The following RNF11 variants were observed in gnomAD, a reference collection of about 807,000 sequenced individuals.
RNF11 encodes ring finger protein 11.
RNF11 carries 4 observed loss-of-function variants against 15.8 expected under a neutral mutation model. That is an observed-to-expected ratio of 0.25 (90% CI 0.12 to 0.58). RNF11 has a LOEUF of 0.58. Among genes scored for constraint, RNF11 ranks in the 20% least tolerant of loss-of-function variants. RNF11 has a pLI of 0.91. For missense variants in RNF11, 139 were observed against 194.4 expected (o/e 0.71, Z 1.70); for synonymous variants, 68 against 72.3 (o/e 0.94, Z 0.30).
intron 1 of RNF11, chr1:51,251,438 G>T: frequency 1.1e-6 from 1 of 904,024 alleles, no homozygotes; most frequent in Non-Finnish European, 1.7e-6. Context: ...CAGGGCCTCC[G>T]GGCCCCCCCC....
Position 51,269,962 on chromosome 1 carries a change from G to T in RNF11, c.130G>T (p.Val44Phe). The change falls in exon 2 of 3, where the codon GTT becomes TTT. Residue 44 changes from valine to phenylalanine, a missense_variant. By Grantham distance (50) the Val-to-Phe change is conservative. Transcript: ENST00000242719. ...CTATATTTTAATATTTTAGGAACAA[G>T]TTCCAGTTCCAGTCTACCACCCAAC... The part of the protein sequence containing the change: ...QEPPPPYQEQ[V>F]PVPVYHPTPS... 6.2e-7 allele frequency: 1 copy of T among 1,610,322 alleles called. No homozygotes were observed. The highest frequency in any genetic ancestry group is 8.5e-7 in the Non-Finnish European group (1 of 1,178,772).
chr1:51,273,131 G>T lies in RNF11; in HGVS notation c.*1809G>T, dbSNP rs1200094303. 2 of 152,128 alleles carry T rather than the reference G, an allele frequency of 1.3e-5. No individual in the cohort carries two copies. The highest frequency in any genetic ancestry group is 4.8e-5 in the African/African-American group (2 of 41,438). 9.4% of individuals were successfully genotyped at this position (152,128 alleles called of 1,614,324 possible). On this transcript the variant is annotated 3_prime_UTR_variant, in exon 3 of 3. Coordinates refer to ENST00000242719, the MANE Select transcript of RNF11 (RefSeq NM_014372.5). ...CAACTGAAGTTGTGCAATATTTTCT[G>T]ATAATTGCTTTTTTTATTCTTGTGT...
intron 1 of RNF11, among the ~76,000 whole-genome samples, chr1:51,250,148 T>G (rs1040347655): frequency 2.6e-5 from 4 of 152,186 alleles, no homozygotes; most frequent in African/African-American, 9.7e-5. Context: ...TTTTTGAAAC[T>G]TTTTTTAGCT....
intron 1 of RNF11, among the ~76,000 whole-genome samples, chr1:51,240,051 G>A (rs1012138454): frequency 2.6e-5 from 4 of 152,124 alleles, no homozygotes; most frequent in African/African-American, 9.7e-5. Flanking sequence ...TCCTCGCTAA[G>A]GCCTGTCCTC....
rs759429193 is a variant in RNF11, at chr1:51,240,207, G to A, written c.123+3328G>A. Among the ~76,000 whole-genome samples, 8 of 152,110 alleles carry A rather than the reference G, an allele frequency of 5.3e-5. No individual in the cohort carries two copies. The South Asian group carries it at 6.2e-4, about 12-fold the overall frequency. On this transcript the variant is annotated intron_variant, in intron 1 of 2. Transcript: ENST00000242719. Reference sequence around the variant, plus strand: ...CATAATCTGTACCCCTTGTTTCCACGCATGTCCCTTGACACCTACAGCTAA... The same window carrying A: ...CATAATCTGTACCCCTTGTTTCCACACATGTCCCTTGACACCTACAGCTAA...
At chr1:51,240,864 T>C (rs1455502306) in intron 1 of RNF11, among the ~76,000 whole-genome samples, 3 of 152,190 alleles carry the variant, frequency 2.0e-5, no homozygotes, top group Non-Finnish European at 4.4e-5. Flanking sequence ...AGTCTCACCT[T>C]GTTGCCCAGC....
At chr1:51,258,964 C>CT (rs1646917374) in intron 1 of RNF11, among the ~76,000 whole-genome samples, 2 of 152,202 alleles carry the variant, frequency 1.3e-5, no homozygotes, top group African/African-American at 4.8e-5. Context: ...CATGTGACAA[C>CT]TGGAGGCCTT....
intron 1 of RNF11, among the ~76,000 whole-genome samples, chr1:51,255,729 GT>G (rs1229910635): frequency 6.6e-6 from 1 of 152,160 alleles, no homozygotes; most frequent in Non-Finnish European, 1.5e-5. Context: ...GTTGAAAATA[GT>G]TTTCTTTTCT....
At chr1:51,240,426 G>A (rs1646823341) in intron 1 of RNF11, among the ~76,000 whole-genome samples, 1 of 151,996 alleles carries the variant, frequency 6.6e-6, no homozygotes, top group Non-Finnish European at 1.5e-5. Context: ...CTAATAACCT[G>A]GAAGTCCCTC....
rs559444728 is a variant in RNF11, at chr1:51,251,069, G to A, written c.123+14190G>A. On this transcript the variant is annotated intron_variant, in intron 1 of 2. Coordinates refer to ENST00000242719, the MANE Select transcript of RNF11 (RefSeq NM_014372.5). Reference sequence around the variant, plus strand: ...CCTTGGAGCACTTAACACCCAGACCGACGTGGCCATTGTAGTCCCCGATAG... The same window carrying A: ...CCTTGGAGCACTTAACACCCAGACCAACGTGGCCATTGTAGTCCCCGATAG... 6.3e-5 allele frequency: 97 copies of A among 1,545,642 alleles called. No homozygotes were observed. The African/African-American group carries it at 7.3e-4, about 12-fold the overall frequency.
intron 1 of RNF11, among the ~76,000 whole-genome samples, chr1:51,261,272 A>C (rs983946223): frequency 6.6e-6 from 1 of 152,166 alleles, no homozygotes; most frequent in Non-Finnish European, 1.5e-5. Flanking sequence ...TTTCCTTAGT[A>C]ATCTTATGTG....
intron 1 of RNF11, among the ~76,000 whole-genome samples, chr1:51,245,126 C>T (rs540996433): frequency 4.4e-4 from 67 of 152,296 alleles, no homozygotes; most frequent in Admixed American, 3.6e-3. Context: ...GTGGCATGGT[C>T]ACGGCTCACT....
chr1:51,250,732 A>G, intron 1 of RNF11: 4 of 1,339,072 alleles, frequency 3.0e-6, no homozygotes, highest in Non-Finnish European at 4.2e-6. Context: ...GGGGTCAGGT[A>G]GCTGTAGGTC....
At chr1:51,261,429 G>C (rs1455624634) in intron 1 of RNF11, among the ~76,000 whole-genome samples, 3 of 152,196 alleles carry the variant, frequency 2.0e-5, no homozygotes, top group Non-Finnish European at 4.4e-5. Context: ...CCTTTTGAGA[G>C]TTCTGAACTC....
At chr1:51,271,067 ACT>A in intron 2 of RNF11, 82 bp from the exon 3 acceptor site, 1 of 1,144,214 alleles carries the variant, frequency 8.7e-7, no homozygotes, top group Non-Finnish European at 1.3e-6. Context: ...TCAGATTAAC[ACT>A]GTCTTTAATG....
rs1646984334 is a variant in RNF11 at position 51,272,584 on chromosome 1, C to CT, written c.*1263dup. 1 of 152,524 alleles carries CT rather than the reference C, an allele frequency of 6.6e-6. No individual in the cohort carries two copies. Among genetic ancestry groups the CT allele is most frequent in the Non-Finnish European group, 1.5e-5 (1 of 67,984 alleles). 9.4% of individuals were successfully genotyped at this position (152,524 alleles called of 1,614,324 possible). A position where few individuals can be genotyped will look rare whatever the true frequency, so the allele number is the denominator to read the frequency against. ...GTTAATGTAAGAATACTTTAAATCT[C>CT]TAAGCTTCTGAAGTGTTAGAGGTAG... On this transcript the variant is annotated 3_prime_UTR_variant, in exon 3 of 3. Transcript: ENST00000242719.
chr1:51,243,333 G>A (rs1646838592), intron 1 of RNF11, among the ~76,000 whole-genome samples: 1 of 152,132 alleles, frequency 6.6e-6, no homozygotes, highest in Admixed American at 6.5e-5. Context: ...AGTTCTTACA[G>A]CAACATAATT....
rs1230433161 is a variant in RNF11, at chr1:51,271,981, C to G, written c.*659C>G. 6.6e-6 allele frequency: 1 copy of G among 152,564 alleles called. No homozygotes were observed. Among genetic ancestry groups the G allele is most frequent in the African/African-American group, 2.4e-5 (1 of 41,424 alleles). 9.5% of individuals were successfully genotyped at this position (152,564 alleles called of 1,614,324 possible). On this transcript the variant is annotated 3_prime_UTR_variant, in exon 3 of 3. Transcript: ENST00000242719. The stretch of plus-strand genomic sequence containing the variant: ...GGAAATGCAGAATTCAAAGTGATCT[C>G]CTAGCTTGTAAGCAAACTGAGATGC...
intron 1 of RNF11, among the ~76,000 whole-genome samples, chr1:51,252,081 C>CAAAAAAAAAAAAAAAAAAA (rs928146865): frequency 1.9e-5 from 1 of 53,628 alleles, no homozygotes; most frequent in Non-Finnish European, 3.6e-5. Context: ...CATCTCAAAG[C>CAAAAAAAAAAAAAAAAAAA]AAAAAAAAAA....
Sources: allele counts gnomAD v4.1 joint callset (sites outside exome capture counted in the v4.1 genomes callset), GRCh38; gene constraint gnomAD v4.1.1; transcripts MANE v1.5; gene names NCBI Gene and HGNC (gene_info 2026-07-23, HGNC 2026-07-21).